The following CSMD1 variants were observed in gnomAD, a reference collection of about 807,000 sequenced individuals.
CSMD1 encodes CUB and Sushi multiple domains 1.
Under a neutral mutation model 417.5 loss-of-function variants are expected in CSMD1, and 213 were observed. The observed-to-expected ratio is 0.51, with a 90% CI of 0.46 to 0.57. The LOEUF is 0.57. Ranked by LOEUF, CSMD1 falls within the 20% of genes least tolerant of loss-of-function variation. The pLI is 0.00. For synonymous variants in CSMD1, 2,862 were observed against 1,736.8 expected (o/e 1.65, Z -16.11); for missense variants, 6,923 against 4,529.7 (o/e 1.53, Z -15.17).
chr8:3,944,492 C>T (rs1487423040), intron 5 of CSMD1, among the ~76,000 whole-genome samples: 1 of 151,934 alleles, frequency 6.6e-6, no homozygotes, highest in African/African-American at 2.4e-5. Context: ...GTTGTCAGAT[C>T]ACTTTAACCT....
chr8:3,630,660 C>T (rs1316560961), intron 7 of CSMD1, among the ~76,000 whole-genome samples: 2 of 152,044 alleles, frequency 1.3e-5, no homozygotes, highest in Non-Finnish European at 2.9e-5. Context: ...GATTTCATTG[C>T]GTTCGAGAAA....
At chr8:2,960,096 G>A (rs1348136538) in intron 62 of CSMD1, among the ~76,000 whole-genome samples, 4 of 152,274 alleles carry the variant, frequency 2.6e-5, no homozygotes, top group African/African-American at 7.2e-5. Flanking sequence ...TCAAAGCAAT[G>A]GTGATCAAAA....
chr8:4,359,014 T>C (rs1563091326), intron 3 of CSMD1, among the ~76,000 whole-genome samples: 1 of 152,156 alleles, frequency 6.6e-6, no homozygotes, highest in Non-Finnish European at 1.5e-5. Context: ...GCATATAATA[T>C]ATACATATAT....
chr8:3,897,983 G>A (rs564661875), intron 5 of CSMD1, among the ~76,000 whole-genome samples: 1 of 152,286 alleles, frequency 6.6e-6, no homozygotes, highest in South Asian at 2.1e-4. Context: ...TAGTCACGGA[G>A]AACTGGAGAG....
intron 47 of CSMD1, among the ~76,000 whole-genome samples, chr8:3,093,739 G>C (rs1325341838): frequency 6.6e-6 from 1 of 151,928 alleles, no homozygotes; most frequent in Non-Finnish European, 1.5e-5. Context: ...GGAAAGAAAT[G>C]TGAAACAAAC....
intron 3 of CSMD1, among the ~76,000 whole-genome samples, chr8:4,367,277 G>C (rs1009820887): frequency 1.3e-5 from 2 of 152,162 alleles, no homozygotes; most frequent in African/African-American, 2.4e-5. Context: ...GACTGCATGA[G>C]TCTAGACAGT....
chr8:3,854,565 T>C (rs1345910861), intron 5 of CSMD1, among the ~76,000 whole-genome samples: 1 of 152,134 alleles, frequency 6.6e-6, no homozygotes, highest in Non-Finnish European at 1.5e-5. Context: ...ACTTAGCTTT[T>C]CTATCTCCCT....
chr8:4,220,533 G>A (rs573983636), intron 3 of CSMD1, among the ~76,000 whole-genome samples: 50 of 152,308 alleles, frequency 3.3e-4, no homozygotes, highest in East Asian at 1.9e-4. Flanking sequence ...TGGAAACATG[G>A]AGACATTACT....
At chr8:4,310,564 A>G (rs1798504343) in intron 3 of CSMD1, among the ~76,000 whole-genome samples, 1 of 152,218 alleles carries the variant, frequency 6.6e-6, no homozygotes, top group Non-Finnish European at 1.5e-5. Flanking sequence ...CTTGTATGAC[A>G]TTTACATTTT....
intron 5 of CSMD1, among the ~76,000 whole-genome samples, chr8:3,754,922 A>G (rs562383624): frequency 2.8e-4 from 42 of 152,176 alleles, no homozygotes; most frequent in African/African-American, 9.9e-4. Context: ...AAGAACTGCA[A>G]AAGAGATTTG....
intron 5 of CSMD1, among the ~76,000 whole-genome samples, chr8:3,931,143 T>G (rs934175586): frequency 6.6e-6 from 1 of 150,680 alleles, no homozygotes; most frequent in Non-Finnish European, 1.5e-5. Flanking sequence ...ATAGATAATT[T>G]CAGCTAAACA....
At chr8:3,911,026 A>T (rs1053387945) in intron 5 of CSMD1, among the ~76,000 whole-genome samples, 1 of 152,174 alleles carries the variant, frequency 6.6e-6, no homozygotes, top group African/African-American at 2.4e-5. Flanking sequence ...GGGGCTGCCC[A>T]GCTAGCCCTC....
intron 10 of CSMD1, among the ~76,000 whole-genome samples, chr8:3,551,230 T>G (rs1798896695): frequency 6.6e-6 from 1 of 152,226 alleles, no homozygotes; most frequent in African/African-American, 2.4e-5. Context: ...TTCTAAAGCA[T>G]GTAAATTTCT....
At chr8:3,605,389 G>A (rs1801563609) in intron 8 of CSMD1, among the ~76,000 whole-genome samples, 1 of 152,200 alleles carries the variant, frequency 6.6e-6, no homozygotes, top group African/African-American at 2.4e-5. Flanking sequence ...AGAGACAGGT[G>A]CCTCTGCTCT....
intron 5 of CSMD1, among the ~76,000 whole-genome samples, chr8:3,820,390 C>G (rs186096795): frequency 2.0e-5 from 3 of 152,260 alleles, no homozygotes; most frequent in African/African-American, 7.2e-5. Context: ...CAAAGAAGGA[C>G]TAAAAGTGAG....
intron 1 of CSMD1, among the ~76,000 whole-genome samples, chr8:4,856,573 C>T (rs1244390430): frequency 2.1e-5 from 3 of 141,464 alleles, no homozygotes; most frequent in South Asian, 2.3e-4. Context: ...GGAGGAAGAT[C>T]TACCAAGCCA....
At chr8:3,938,377 T>C (rs982969334) in intron 5 of CSMD1, among the ~76,000 whole-genome samples, 1 of 152,188 alleles carries the variant, frequency 6.6e-6, no homozygotes, top group African/African-American at 2.4e-5. Context: ...CTGAATATGC[T>C]GAATGCAATC....
intron 1 of CSMD1, among the ~76,000 whole-genome samples, chr8:4,788,966 G>C (rs1204097408): frequency 9.2e-5 from 14 of 152,136 alleles, no homozygotes; most frequent in Non-Finnish European, 2.1e-4. Context: ...CATGAACTGA[G>C]ATCAGACAGC....
At chr8:3,316,223 C>G (rs936270632) in intron 23 of CSMD1, among the ~76,000 whole-genome samples, 6 of 152,160 alleles carry the variant, frequency 3.9e-5, no homozygotes, top group African/African-American at 1.4e-4. Flanking sequence ...TAGGTGCTAA[C>G]TATATACTGT....
Sources: gnomAD v4.1 joint callset for allele counts (sites outside exome capture counted in the v4.1 genomes callset) on GRCh38, gnomAD v4.1.1 for gene constraint, MANE v1.5 for transcripts, NCBI Gene and HGNC (gene_info 2026-07-23, HGNC 2026-07-21) for gene names.